The following PRKG1 variants were observed in gnomAD, a reference collection of about 807,000 sequenced individuals.
The protein encoded by PRKG1 is cGMP-dependent protein kinase 1.
Under a neutral mutation model 88.1 loss-of-function variants are expected in PRKG1, and 35 were observed. The ratio of observed to expected loss-of-function variants is 0.40; its 90% CI spans 0.30 to 0.53. PRKG1 has a LOEUF of 0.53. Among genes scored for constraint, PRKG1 ranks in the 20% least tolerant of loss-of-function variants. PRKG1 has a pLI of 0.59. For synonymous variants in PRKG1, 303 were observed against 292.5 expected (o/e 1.04, Z -0.37); for missense variants, 540 against 839.8 (o/e 0.64, Z 4.41).
chr10:51,538,561 G>A (rs1164544303), intron 3 of PRKG1, among the ~76,000 whole-genome samples: 1 of 149,974 alleles, frequency 6.7e-6, no homozygotes, highest in Admixed American at 6.7e-5. Flanking sequence ...AAATTAACGG[G>A]CTGTTATAGA....
At chr10:51,994,212 AGGCTTG>A (rs1844380207) in intron 5 of PRKG1, among the ~76,000 whole-genome samples, 1 of 152,074 alleles carries the variant, frequency 6.6e-6, no homozygotes, top group Admixed American at 6.6e-5. Context: ...TATATTTGTA[AGGCTTG>A]GTTACAGAGT....
chr10:51,777,543 C>CA (rs1838472348), intron 3 of PRKG1, among the ~76,000 whole-genome samples: 1 of 152,088 alleles, frequency 6.6e-6, no homozygotes, highest in Non-Finnish European at 1.5e-5. Context: ...CCCACACATG[C>CA]ATAGCCTCCC....
chr10:51,622,324 A>T (rs891612364), intron 3 of PRKG1, among the ~76,000 whole-genome samples: 2 of 152,166 alleles, frequency 1.3e-5, no homozygotes, highest in African/African-American at 4.8e-5. Context: ...CTTCACCTTC[A>T]GGCTTCTTTA....
At chr10:52,073,730 C>A (rs905727767) in intron 7 of PRKG1, among the ~76,000 whole-genome samples, 2 of 152,016 alleles carry the variant, frequency 1.3e-5, no homozygotes, top group Non-Finnish European at 1.5e-5. Context: ...TTATATGGAC[C>A]TTAATTAAAA....
chr10:51,338,845 A>G (rs976026163), intron 2 of PRKG1, among the ~76,000 whole-genome samples: 3 of 152,148 alleles, frequency 2.0e-5, no homozygotes, highest in Non-Finnish European at 4.4e-5. Context: ...TTTTTTGTCA[A>G]ATGATTTTCA....
At chr10:51,333,924 T>G (rs934790796) in intron 2 of PRKG1, among the ~76,000 whole-genome samples, 1 of 152,066 alleles carries the variant, frequency 6.6e-6, no homozygotes, top group Non-Finnish European at 1.5e-5. Flanking sequence ...CTCAGCTTCA[T>G]TTTTGCCCTG....
At chr10:51,063,899 G>T (rs1258013962) in intron 1 of PRKG1, among the ~76,000 whole-genome samples, 2 of 152,064 alleles carry the variant, frequency 1.3e-5, no homozygotes, top group African/African-American at 2.4e-5. Flanking sequence ...TTAGAAATTA[G>T]TATTTAATGG....
chr10:51,646,956 C>T (rs190751482), intron 3 of PRKG1, among the ~76,000 whole-genome samples: 4 of 151,984 alleles, frequency 2.6e-5, no homozygotes, highest in African/African-American at 7.2e-5. Context: ...TTAATATTTT[C>T]CCTTTTTACA....
At chr10:52,222,769 A>T (rs897174979) in intron 9 of PRKG1, among the ~76,000 whole-genome samples, 1 of 152,224 alleles carries the variant, frequency 6.6e-6, no homozygotes, top group Non-Finnish European at 1.5e-5. Flanking sequence ...CATATTATGC[A>T]GTCGTTAGAT....
chr10:51,033,778 T>C (rs1843317841), intron 1 of PRKG1, among the ~76,000 whole-genome samples: 1 of 152,154 alleles, frequency 6.6e-6, no homozygotes, highest in East Asian at 1.9e-4. Context: ...TCTAAGCTAA[T>C]TGAGGACACG....
chr10:52,214,902 T>G (rs1840071117), intron 9 of PRKG1, among the ~76,000 whole-genome samples: 1 of 152,126 alleles, frequency 6.6e-6, no homozygotes. Context: ...ATGAAAGCAG[T>G]AGGCCGGTTT....
At chr10:50,992,600 C>T (rs1842793906) in intron 1 of PRKG1, among the ~76,000 whole-genome samples, 1 of 152,042 alleles carries the variant, frequency 6.6e-6, no homozygotes, top group Non-Finnish European at 1.5e-5. Flanking sequence ...TCCTCCTCTC[C>T]GGCACTTTAA....
At chr10:51,545,069 C>A (rs1842413563) in intron 3 of PRKG1, among the ~76,000 whole-genome samples, 1 of 151,818 alleles carries the variant, frequency 6.6e-6, no homozygotes, top group Non-Finnish European at 1.5e-5. Flanking sequence ...TTTTCTGTTG[C>A]CAGATGTGAC....
At chr10:51,356,830 T>C (rs563769597) in intron 2 of PRKG1, among the ~76,000 whole-genome samples, 3 of 152,146 alleles carry the variant, frequency 2.0e-5, no homozygotes, top group African/African-American at 4.8e-5. Context: ...CTGACTCCCA[T>C]TGCACCATAT....
intron 2 of PRKG1, among the ~76,000 whole-genome samples, chr10:51,399,421 A>G (rs1280367703): frequency 1.3e-5 from 2 of 152,174 alleles, no homozygotes; most frequent in African/African-American, 4.8e-5. Flanking sequence ...ATACAACAGT[A>G]GAGAATATAT....
At chr10:51,753,127 TGATA>T (rs1047478542) in intron 3 of PRKG1, among the ~76,000 whole-genome samples, 44 of 152,236 alleles carry the variant, frequency 2.9e-4, no homozygotes, top group Admixed American at 1.6e-3. Flanking sequence ...ATATTACAAA[TGATA>T]GATAGTTGTG....
At chr10:52,066,950 T>C (rs1846370080) in intron 7 of PRKG1, among the ~76,000 whole-genome samples, 1 of 152,200 alleles carries the variant, frequency 6.6e-6, no homozygotes, top group African/African-American at 2.4e-5. Context: ...TGTTTTGATG[T>C]TTTGACATTT....
intron 3 of PRKG1, among the ~76,000 whole-genome samples, chr10:51,682,021 A>AT (rs1469576731): frequency 1.3e-5 from 2 of 152,144 alleles, no homozygotes; most frequent in Non-Finnish European, 2.9e-5. Context: ...AAGAAAGCAC[A>AT]TTTTTTGGAT....
At chr10:51,774,159 A>G (rs1241802370) in intron 3 of PRKG1, among the ~76,000 whole-genome samples, 2 of 152,080 alleles carry the variant, frequency 1.3e-5, no homozygotes, top group Non-Finnish European at 2.9e-5. Flanking sequence ...TACTACCTAG[A>G]GAGCTTAATT....
Sources: gnomAD v4.1 joint callset for allele counts (sites outside exome capture counted in the v4.1 genomes callset) on GRCh38, gnomAD v4.1.1 for gene constraint, MANE v1.5 for transcripts, NCBI Gene and HGNC (gene_info 2026-07-23, HGNC 2026-07-21) for gene names.